Variants in SH3BP5 observed in about 807,000 individuals in gnomAD.
SH3BP5 encodes SH3 domain binding protein 5.
In SH3BP5, 22 loss-of-function variants were observed where a neutral mutation model predicts 43.3. The observed-to-expected ratio is 0.51, with a 90% confidence interval of 0.36 to 0.73. The LOEUF (loss-of-function observed/expected upper bound fraction) is 0.73, where lower values mean the gene tolerates loss of function less well. Ranked by LOEUF, SH3BP5 falls within the 30% of genes least tolerant of loss-of-function variation. The pLI is 0.00. For missense variants in SH3BP5, 529 were observed against 586.9 expected (o/e 0.90, Z 1.02); for synonymous variants, 255 against 225.8 (o/e 1.13, Z -1.16).
intron 2 of SH3BP5, among the ~76,000 whole-genome samples, chr3:15,325,554 G>C (rs1698439100): frequency 6.6e-6 from 1 of 152,134 alleles, no homozygotes; most frequent in South Asian, 2.1e-4. Flanking sequence ...TGCCTCCTTT[G>C]TATACATCAG....
At chr3:15,278,745 G>A (rs905200663) in intron 3 of SH3BP5, among the ~76,000 whole-genome samples, 11 of 152,246 alleles carry the variant, frequency 7.2e-5, no homozygotes, top group African/African-American at 2.4e-4. Flanking sequence ...CCTGAGGATT[G>A]ATTCCTTTCT....
rs1698020853 is a variant in SH3BP5 at position 15,310,236 on chromosome 3, G to A, written c.202-6005C>T. On this transcript the variant is annotated intron_variant, in intron 2 of 8. Coordinates refer to ENST00000383791, the MANE Select transcript of SH3BP5 (RefSeq NM_004844.5). ...AGAGGAAATTTCTTCCACTTGAGATGTTTAAGAGGATGGAATGAAAGCCTG... is the reference window on the plus strand; with the variant it reads ...AGAGGAAATTTCTTCCACTTGAGATATTTAAGAGGATGGAATGAAAGCCTG... 2.0e-5 allele frequency among the ~76,000 whole-genome samples: 3 copies of A among 152,168 alleles called. No individual in the cohort carries two copies. The South Asian group carries it at 6.2e-4, about 32-fold the overall frequency.
rs532956319 is a variant in SH3BP5 at position 15,324,824 on chromosome 3, G to C, written c.201+5680C>G. 1.0e-3 allele frequency among the ~76,000 whole-genome samples: 152 copies of C among 145,602 alleles called. 1 individual carries two copies. Among genetic ancestry groups the C allele is most frequent in the African/African-American group, 3.6e-3 (142 of 39,198 alleles). ...CCTCCAAGTTTCTAAGCTCAAAACAGAGTTTTTGTTTGTACCATTGCTCCT... is the reference window on the plus strand; with the variant it reads ...CCTCCAAGTTTCTAAGCTCAAAACACAGTTTTTGTTTGTACCATTGCTCCT... On this transcript the variant is annotated intron_variant, in intron 2 of 8. Coordinates refer to ENST00000383791, the MANE Select transcript of SH3BP5 (RefSeq NM_004844.5).
At chr3:15,330,021 G>A (rs1423212255) in intron 2 of SH3BP5, among the ~76,000 whole-genome samples, 1 of 152,196 alleles carries the variant, frequency 6.6e-6, no homozygotes, top group African/African-American at 2.4e-5. Flanking sequence ...AGACAATAAA[G>A]AAATGAGCAG....
chr3:15,312,100 C>T (rs1698074415), intron 2 of SH3BP5, among the ~76,000 whole-genome samples: 1 of 152,126 alleles, frequency 6.6e-6, no homozygotes, highest in Non-Finnish European at 1.5e-5. Context: ...AAGATGGAAG[C>T]CATTTTCATT....
At position 15,332,560 on chromosome 3, in the gene SH3BP5, G is replaced by T. The variant is rs1575360711; in HGVS notation, c.-152C>A. 2.4e-6 allele frequency: 3 copies of T among 1,231,858 alleles called. No individual in the cohort carries two copies. The highest frequency in any genetic ancestry group is 3.0e-6 in the Non-Finnish European group (3 of 989,280). The allele number at this position is 1,231,858 out of a possible 1,614,324, so 76.3% of individuals were successfully genotyped here. A position where few individuals can be genotyped will look rare whatever the true frequency, so the allele number is the denominator to read the frequency against. On this transcript the variant is annotated 5_prime_UTR_variant, in exon 1 of 9. Transcript: ENST00000383791. ...CCGGGAGACGCAGCTCGCCGATGCG[G>T]ATACCTCCGGCCGCGGCGGAGCAGA...
chr3:15,269,580 G>A (rs1203602354), intron 4 of SH3BP5, 133 bp downstream of exon 4: 1 of 940,698 alleles, frequency 1.1e-6, no homozygotes, highest in Non-Finnish European at 1.6e-6. Flanking sequence ...AGATCATACG[G>A]AGATGACAAC....
intron 2 of SH3BP5, among the ~76,000 whole-genome samples, chr3:15,307,787 C>A (rs536972085): frequency 2.8e-4 from 42 of 152,388 alleles, no homozygotes; most frequent in South Asian, 2.7e-3. Flanking sequence ...GGTCACCTCC[C>A]TGGTGGTGGC....
chr3:15,336,597 GAGAGGCTTTGTGAA>G (rs568580187), upstream of SH3BP5, among the ~76,000 whole-genome samples: 3 of 152,306 alleles, frequency 2.0e-5, no homozygotes, highest in Non-Finnish European at 4.4e-5. Context: ...GGTTGGAGGA[GAGAGGCTTTGTGAA>G]AGAGCTTGCA....
At chr3:15,313,470 T>C (rs1221416937) in intron 2 of SH3BP5, among the ~76,000 whole-genome samples, 1 of 152,244 alleles carries the variant, frequency 6.6e-6, no homozygotes. Context: ...CCTGACTTAC[T>C]GGCCAGTGGT....
In SH3BP5 at chr3:15,290,284, T is replaced by A. The variant is rs559926673; in HGVS notation, c.330+13819A>T. ...TGGCTCACGTCTGTAATCCCAGCAC[T>A]TTGAGAGGCCAAGGCGGGCAGATCA... is the stretch of plus-strand genomic sequence containing the variant. On this transcript the variant is annotated intron_variant, in intron 3 of 8. Coordinates refer to ENST00000383791, the MANE Select transcript of SH3BP5 (RefSeq NM_004844.5). Among the ~76,000 whole-genome samples the A allele has an allele frequency of 7.1e-4, 107 of 151,370 alleles. 1 individual carries two copies. The highest frequency in any genetic ancestry group is 1.8e-3 in the African/African-American group (74 of 41,174).
chr3:15,319,736 G>A (rs1246586172), intron 2 of SH3BP5, among the ~76,000 whole-genome samples: 1 of 152,134 alleles, frequency 6.6e-6, no homozygotes, highest in African/African-American at 2.4e-5. Context: ...AACTCCAGCT[G>A]AGCTCCCAGC....
chr3:15,313,646 C>T (rs537651086), intron 2 of SH3BP5, among the ~76,000 whole-genome samples: 35 of 152,310 alleles, frequency 2.3e-4, no homozygotes, highest in Middle Eastern at 6.8e-3. Context: ...CTTTAAATAG[C>T]GCTTGGGTGA....
chr3:15,257,277 C>A, intron 7 of SH3BP5, 164 bp from the exon 8 acceptor site: 1 of 668,442 alleles, frequency 1.5e-6, no homozygotes, highest in Non-Finnish European at 2.5e-6. Flanking sequence ...GAATGACCAG[C>A]CTCTAAAGCA....
chr3:15,339,910 A>G (rs544701810), intron 1 of SH3BP5: 30 of 152,260 alleles, frequency 2.0e-4, no homozygotes, highest in Admixed American at 1.6e-3. Context: ...TTTGCTAAAA[A>G]AAGGGGGGAA....
At chr3:15,279,237 C>T (rs1008551347) in intron 3 of SH3BP5, among the ~76,000 whole-genome samples, 5 of 152,080 alleles carry the variant, frequency 3.3e-5, no homozygotes, top group Non-Finnish European at 7.4e-5. Context: ...CATTTTTTCT[C>T]GGTCCCAAAG....
rs1339562652 is a variant in SH3BP5, at chr3:15,311,474, T to C, written c.202-7243A>G. Reference sequence around the variant, plus strand: ...ACTCGGGAGGCTGAGGCAGGAGAATTGCCTGAACCCAGGAAGTGGAGGTTG... The same window carrying C: ...ACTCGGGAGGCTGAGGCAGGAGAATCGCCTGAACCCAGGAAGTGGAGGTTG... On this transcript the variant is annotated intron_variant, in intron 2 of 8. Transcript: ENST00000383791. Among the ~76,000 whole-genome samples the C allele has an allele frequency of 2.6e-5, 4 of 152,110 alleles. 1 individual carries two copies. The highest frequency in any genetic ancestry group is 9.6e-5 in the African/African-American group (4 of 41,504).
At chr3:15,298,501 C>T (rs1213141178) in intron 3 of SH3BP5, among the ~76,000 whole-genome samples, 1 of 152,196 alleles carries the variant, frequency 6.6e-6, no homozygotes, top group African/African-American at 2.4e-5. Flanking sequence ...ATTTGTGCTG[C>T]CCATCAAGTT....
chr3:15,326,620 T>C (rs566852670), intron 2 of SH3BP5, among the ~76,000 whole-genome samples: 1 of 152,336 alleles, frequency 6.6e-6, no homozygotes, highest in East Asian at 1.9e-4. Flanking sequence ...CCAAAATCAA[T>C]ACACGCAGCC....
Sources: gnomAD v4.1 joint callset for allele counts (sites outside exome capture counted in the v4.1 genomes callset) on GRCh38, gnomAD v4.1.1 for gene constraint, MANE v1.5 for transcripts, NCBI Gene and HGNC (gene_info 2026-07-23, HGNC 2026-07-21) for gene names.